Variants in SORBS2 observed in about 807,000 individuals in gnomAD.
SORBS2 encodes the protein sorbin and SH3 domain-containing protein 2.
Under a neutral mutation model 97.7 loss-of-function variants are expected in SORBS2, and 46 were observed. The ratio of observed to expected loss-of-function variants is 0.47; its 90% CI spans 0.37 to 0.60. The LOEUF is 0.60. Among genes scored for constraint, SORBS2 ranks in the 20% least tolerant of loss-of-function variants. SORBS2 has a pLI of 0.00. For missense variants in SORBS2, 1,316 were observed against 1,282.3 expected (o/e 1.03, Z -0.40); for synonymous variants, 476 against 473.4 (o/e 1.01, Z -0.07).
intron 3 of SORBS2, 98 bp downstream of exon 6, chr4:185,678,698 G>T: frequency 8.6e-7 from 1 of 1,157,538 alleles, no homozygotes; most frequent in Non-Finnish European, 1.2e-6. Context: ...AACAGTACAT[G>T]AAATTTAAAT....
intron 1 of SORBS2, among the ~76,000 whole-genome samples, chr4:185,938,870 C>A (rs549846859): frequency 2.0e-5 from 3 of 152,238 alleles, no homozygotes; most frequent in African/African-American, 7.2e-5. Context: ...TACATTCAAC[C>A]CTCTAACTAC....
chr4:185,598,623 T>A (rs1340447974), intron 12 of SORBS2, among the ~76,000 whole-genome samples: 1 of 152,224 alleles, frequency 6.6e-6, no homozygotes, highest in African/African-American at 2.4e-5. Flanking sequence ...TGCAAAAAAA[T>A]CTCTGAAAGC....
intron 1 of SORBS2, among the ~76,000 whole-genome samples, chr4:185,892,041 G>C (rs1180394002): frequency 6.6e-6 from 1 of 152,068 alleles, no homozygotes; most frequent in East Asian, 1.9e-4. Context: ...CACCATCTTG[G>C]CCAGGATGGT....
intron 2 of SORBS2, among the ~76,000 whole-genome samples, chr4:185,743,756 T>C (rs1181667331): frequency 1.3e-5 from 2 of 151,514 alleles, no homozygotes; most frequent in African/African-American, 4.9e-5. Flanking sequence ...TTCCTCCTCC[T>C]CCTCCTCTTC....
At chr4:185,903,186 AT>A (rs1213997756) in intron 1 of SORBS2, among the ~76,000 whole-genome samples, 2 of 152,196 alleles carry the variant, frequency 1.3e-5, no homozygotes, top group Admixed American at 1.3e-4. Context: ...TTTTATAGTG[AT>A]TTTGGGGGGG....
intron 1 of SORBS2, among the ~76,000 whole-genome samples, chr4:185,805,988 C>T (rs1002300269): frequency 3.3e-5 from 5 of 152,212 alleles, no homozygotes; most frequent in African/African-American, 7.2e-5. Flanking sequence ...TTTAAGCAGC[C>T]AAGCGTTGCT....
At chr4:185,878,822 T>G (rs919505102) in intron 1 of SORBS2, among the ~76,000 whole-genome samples, 15 of 152,186 alleles carry the variant, frequency 9.9e-5, no homozygotes, top group Non-Finnish European at 1.6e-4. Context: ...CTACACGACC[T>G]GGGCTCTGCT....
chr4:185,858,851 T>G (rs2099222145), intron 1 of SORBS2, among the ~76,000 whole-genome samples: 1 of 152,246 alleles, frequency 6.6e-6, no homozygotes, highest in South Asian at 2.1e-4. Context: ...CTTCATTTAT[T>G]TCTTGCAGTA....
chr4:185,668,637 A>G (rs948323944), intron 4 of SORBS2, among the ~76,000 whole-genome samples: 2 of 152,250 alleles, frequency 1.3e-5, no homozygotes, highest in African/African-American at 2.4e-5. Context: ...AAATCAGAAG[A>G]GCAGCAGGAA....
chr4:185,759,188 A>G (rs2098848450), intron 2 of SORBS2, among the ~76,000 whole-genome samples: 1 of 152,248 alleles, frequency 6.6e-6, no homozygotes, highest in Admixed American at 6.5e-5. Context: ...CACATCCTAT[A>G]GTATGACAGA....
intron 4 of SORBS2, among the ~76,000 whole-genome samples, chr4:185,672,222 G>T (rs1021622741): frequency 6.6e-6 from 1 of 152,244 alleles, no homozygotes; most frequent in African/African-American, 2.4e-5. Context: ...TGGAGCAAAA[G>T]AAATGAGTTT....
intron 1 of SORBS2, among the ~76,000 whole-genome samples, chr4:185,954,430 G>A (rs954241467): frequency 1.3e-4 from 19 of 151,922 alleles, no homozygotes; most frequent in Non-Finnish European, 7.4e-5. Context: ...TTAAATATTA[G>A]ATGTACATTT....
At chr4:185,764,159 T>C (rs2098920841) in intron 2 of SORBS2, among the ~76,000 whole-genome samples, 1 of 152,204 alleles carries the variant, frequency 6.6e-6, no homozygotes, top group Non-Finnish European at 1.5e-5. Flanking sequence ...TATCCAGCCA[T>C]ATCACTGCTC....
intron 12 of SORBS2, chr4:185,605,920 C>A (rs1354949517): frequency 4.8e-6 from 1 of 208,796 alleles, no homozygotes; most frequent in Non-Finnish European, 8.3e-6. Flanking sequence ...ATATTTTCTG[C>A]CTTTGTTGAT....
At position 185,607,895 on chromosome 4, in the gene SORBS2, G is replaced by A. The variant is rs2096461297; in HGVS notation, c.2796+3885C>T. On this transcript the variant is annotated intron_variant, in intron 12 of 14. Transcript: ENST00000418609. The surrounding 1 kb of genome is among the most constrained non-coding windows in gnomAD (Gnocchi z 5.2). The stretch of plus-strand genomic sequence containing the variant: ...TTTTAGTAGAGACGGGTTTCACCAT[G>A]TTGGCCAGGCTGGTCTTGAACTCCT... Among the ~76,000 whole-genome samples, 1 of 152,048 alleles carries A rather than the reference G, an allele frequency of 6.6e-6. No homozygotes were observed. Among genetic ancestry groups the A allele is most frequent in the Non-Finnish European group, 1.5e-5 (1 of 68,024 alleles).
chr4:185,792,650 G>GT (rs1042666917), intron 1 of SORBS2, among the ~76,000 whole-genome samples: 5 of 151,850 alleles, frequency 3.3e-5, no homozygotes, highest in Non-Finnish European at 7.4e-5. Context: ...ATCCTAGACT[G>GT]TTTTTTTTCT....
Position 185,850,341 on chromosome 4 carries a change from A to G in SORBS2, c.-337-74975T>C, listed in dbSNP as rs576080681. On this transcript the variant is annotated intron_variant, in intron 1 of 20. Transcript: ENST00000284776. ...GCTGAGATATTATAGGAAGTCTAAC[A>G]TTCTGCTGACTTGTCCCATATGTCG... Among the ~76,000 whole-genome samples the G allele has an allele frequency of 3.9e-5, 6 of 152,318 alleles. No homozygotes were observed. In the East Asian group the frequency reaches 1.2e-3, roughly 29 times the overall value.
At chr4:185,661,717 G>A (rs1335298977), upstream of SORBS2, among the ~76,000 whole-genome samples, 3 of 152,136 alleles carry the variant, frequency 2.0e-5, no homozygotes, top group South Asian at 6.2e-4. Flanking sequence ...ACTGTCAAAC[G>A]ATTCTCCCTT....
chr4:185,704,628 A>G (rs528954868), intron 2 of SORBS2, among the ~76,000 whole-genome samples: 1 of 151,728 alleles, frequency 6.6e-6, no homozygotes, highest in East Asian at 1.9e-4. Flanking sequence ...CCATTCATTC[A>G]TTATTCAATT....
Sources: allele counts gnomAD v4.1 joint callset (sites outside exome capture counted in the v4.1 genomes callset), GRCh38; gene constraint gnomAD v4.1.1; non-coding constraint Gnocchi (gnomAD v3.1); transcripts MANE v1.5; gene names NCBI Gene and HGNC (gene_info 2026-07-23, HGNC 2026-07-21).